The following RALYL variants were observed in gnomAD, a reference collection of about 807,000 sequenced individuals.
The protein encoded by RALYL is RALY RNA binding protein like.
Under a neutral mutation model 35.1 loss-of-function variants are expected in RALYL, and 29 were observed. That is an observed-to-expected ratio of 0.83 (90% CI 0.61 to 1.13). RALYL has a LOEUF of 1.13. Among genes scored for constraint, RALYL ranks in the 50% most tolerant of loss-of-function variants. The probability of loss-of-function intolerance (pLI) is 0.00; values close to 1 mark genes in which losing one functional copy is unlikely to be tolerated. For missense variants in RALYL, 359 were observed against 360.4 expected (o/e 1.00, Z 0.03); for synonymous variants, 120 against 127.6 (o/e 0.94, Z 0.40).
chr8:84,288,187 G>A (rs1216111015), intron 1 of RALYL, among the ~76,000 whole-genome samples: 1 of 151,786 alleles, frequency 6.6e-6, no homozygotes, highest in Non-Finnish European at 1.5e-5. Flanking sequence ...TTTTGTTTTT[G>A]TTTTGTTTTT....
At chr8:84,461,860 A>G (rs10103023) in intron 1 of RALYL, among the ~76,000 whole-genome samples, 5,970 of 151,674 alleles carry the variant, frequency 0.039, 237 homozygotes, top group African/African-American at 0.098. Flanking sequence ...TCTTGCATTT[A>G]GAGTGGTACA....
At chr8:84,397,461 A>ATGAT (rs1319717661) in intron 1 of RALYL, among the ~76,000 whole-genome samples, 2 of 152,102 alleles carry the variant, frequency 1.3e-5, no homozygotes, top group Admixed American at 6.5e-5. Context: ...CCCTGCAGAG[A>ATGAT]TGATTAGCTA....
At chr8:84,656,393 CACTT>C (rs1382778110) in intron 2 of RALYL, among the ~76,000 whole-genome samples, 1 of 152,114 alleles carries the variant, frequency 6.6e-6, no homozygotes, top group African/African-American at 2.4e-5. Flanking sequence ...TGACCAGACT[CACTT>C]AAATTAATCC....
At chr8:84,405,581 C>T (rs1198534305) in intron 1 of RALYL, among the ~76,000 whole-genome samples, 3 of 152,090 alleles carry the variant, frequency 2.0e-5, no homozygotes, top group Non-Finnish European at 2.9e-5. Flanking sequence ...CTGTAAACAC[C>T]TCTATGCAAA....
chr8:84,538,286 T>C (rs1027020860), intron 2 of RALYL, among the ~76,000 whole-genome samples: 3 of 152,182 alleles, frequency 2.0e-5, no homozygotes, highest in Non-Finnish European at 4.4e-5. Context: ...AAACTATCAT[T>C]GGAAACTTCT....
intron 1 of RALYL, among the ~76,000 whole-genome samples, chr8:84,423,157 T>C (rs2045883260): frequency 1.3e-5 from 2 of 150,890 alleles, no homozygotes; most frequent in African/African-American, 5.0e-5. Flanking sequence ...GGTGTTAAAG[T>C]CTCCCGTTAT....
At chr8:84,692,172 AGT>A (rs927268778) in intron 2 of RALYL, among the ~76,000 whole-genome samples, 4 of 152,018 alleles carry the variant, frequency 2.6e-5, no homozygotes, top group African/African-American at 9.7e-5. Context: ...TGAAATGAAG[AGT>A]GAGAAAAAGA....
chr8:84,822,028 G>GTGTT (rs1190124751), intron 4 of RALYL, among the ~76,000 whole-genome samples: 16 of 152,132 alleles, frequency 1.1e-4, no homozygotes, highest in African/African-American at 3.6e-4. Flanking sequence ...GTTTTATTCA[G>GTGTT]TGTTAGGCAA....
At position 84,359,355 on chromosome 8, in the gene RALYL, G is replaced by A. The variant is rs564142671; in HGVS notation, c.-23-169944G>A. 3.4e-3 allele frequency among the ~76,000 whole-genome samples: 521 copies of A among 151,892 alleles called. 2 individuals are homozygous for A. Among genetic ancestry groups the A allele is most frequent in the African/African-American group, 0.012 (480 of 41,484 alleles). ...TAAGTTAACCATCTATCCTTGTGAA[G>A]TGACTAGAATGAAGGGTTAATGATA... On this transcript the variant is annotated intron_variant, in intron 1 of 8. Coordinates refer to ENST00000521268, the MANE Select transcript of RALYL (RefSeq NM_173848.7).
intron 2 of RALYL, among the ~76,000 whole-genome samples, chr8:84,708,930 C>T (rs1841683971): frequency 6.6e-6 from 1 of 152,106 alleles, no homozygotes; most frequent in South Asian, 2.1e-4. Flanking sequence ...GCAAAGAAAA[C>T]AGTGTGAATC....
chr8:84,720,697 G>A (rs1463121015), intron 2 of RALYL, among the ~76,000 whole-genome samples: 1 of 151,976 alleles, frequency 6.6e-6, no homozygotes, highest in African/African-American at 2.4e-5. Context: ...ACAGAGTGAA[G>A]AGAAAATCTA....
chr8:84,253,186 T>TTG lies in RALYL; in HGVS notation c.-24+68763_-24+68764insGT, dbSNP rs1303920895. ...GTGTGTAGTTCTGCAGTTTTTTTTT[T>TTG]TTTTTTTTTTTTTTTTTTTTTGAGA... On this transcript the variant is annotated intron_variant, in intron 1 of 8. Transcript: ENST00000521268. Among the ~76,000 whole-genome samples the TTG allele has an allele frequency of 1.3e-4, 16 of 123,100 alleles. 1 individual carries two copies. The highest frequency in any genetic ancestry group is 5.0e-4 in the African/African-American group (16 of 31,854). 80.8% of individuals were successfully genotyped at this position (123,100 alleles called of 152,430 possible). A position where few individuals can be genotyped will look rare whatever the true frequency, so the allele number is the denominator to read the frequency against.
At chr8:84,892,399 C>A (rs1048425575) in intron 8 of RALYL, among the ~76,000 whole-genome samples, 3 of 151,896 alleles carry the variant, frequency 2.0e-5, no homozygotes, top group African/African-American at 7.3e-5. Flanking sequence ...TACCTGAGAT[C>A]AAGAATTTGA....
At chr8:84,703,484 G>A (rs537596076) in intron 2 of RALYL, among the ~76,000 whole-genome samples, 2 of 152,190 alleles carry the variant, frequency 1.3e-5, no homozygotes, top group East Asian at 1.9e-4. Flanking sequence ...TGTGATGATC[G>A]ATGAGGCTGG....
At chr8:84,601,085 T>A (rs1815830400) in intron 2 of RALYL, among the ~76,000 whole-genome samples, 1 of 152,182 alleles carries the variant, frequency 6.6e-6, no homozygotes, top group African/African-American at 2.4e-5. Flanking sequence ...AGAGCACAGA[T>A]GTATCCAGAG....
intron 1 of RALYL, among the ~76,000 whole-genome samples, chr8:84,437,034 C>A (rs965842247): frequency 1.3e-5 from 2 of 152,034 alleles, no homozygotes; most frequent in Non-Finnish European, 2.9e-5. Flanking sequence ...TCCTTACCCC[C>A]TTGTAGTAGT....
chr8:84,262,525 A>T lies in RALYL; in HGVS notation c.-24+78101A>T, dbSNP rs528366457. 6.6e-5 allele frequency among the ~76,000 whole-genome samples: 10 copies of T among 152,278 alleles called. No homozygotes were observed. The East Asian group carries it at 1.9e-3, about 29-fold the overall frequency. ...AAACTATGATTTGTTGTTTTTTATA[A>T]ATGTTTTATAATGAATGATAATACA... is the stretch of plus-strand genomic sequence containing the variant. On this transcript the variant is annotated intron_variant, in intron 1 of 8. Coordinates refer to ENST00000521268, the MANE Select transcript of RALYL (RefSeq NM_173848.7).
At chr8:84,273,945 A>G (rs996664918) in intron 1 of RALYL, among the ~76,000 whole-genome samples, 1 of 152,234 alleles carries the variant, frequency 6.6e-6, no homozygotes, top group Non-Finnish European at 1.5e-5. Context: ...ACTAGAAACC[A>G]TATAAAACAT....
intron 1 of RALYL, among the ~76,000 whole-genome samples, chr8:84,465,298 C>A (rs1337963664): frequency 7.0e-5 from 8 of 114,372 alleles, no homozygotes; most frequent in African/African-American, 2.7e-4. Flanking sequence ...GTCTTTAATC[C>A]ATCTTGAATT....
Sources: gnomAD v4.1 joint callset for allele counts (sites outside exome capture counted in the v4.1 genomes callset) on GRCh38, gnomAD v4.1.1 for gene constraint, MANE v1.5 for transcripts, NCBI Gene and HGNC (gene_info 2026-07-23, HGNC 2026-07-21) for gene names.